Variants in RPL19 observed in about 807,000 individuals in gnomAD.
The protein encoded by RPL19 is ribosomal protein L19.
A neutral mutation model predicts 25.1 loss-of-function variants in RPL19; 2 were observed. The observed-to-expected ratio is 0.08, with a 90% confidence interval of 0.03 to 0.25. The LOEUF (loss-of-function observed/expected upper bound fraction) is 0.25, where lower values mean the gene tolerates loss of function less well. RPL19 is among the 10% of genes least tolerant of loss of function. The pLI is 1.00. For missense variants in RPL19, 123 were observed against 271.8 expected, an observed-to-expected ratio of 0.45 and a Z score of 3.85; for synonymous variants, 89 against 91.2, an observed-to-expected ratio of 0.98 and a Z score of 0.14.
chr17:39,202,017 C>T (rs1825241758), intron 2 of RPL19, among the ~76,000 whole-genome samples: 1 of 152,138 alleles, frequency 6.6e-6, no homozygotes, highest in Non-Finnish European at 1.5e-5. Flanking sequence ...CATCTTTAAT[C>T]CCAGCTACTT....
rs545013498 is a variant in RPL19, at chr17:39,201,070, T to C, written c.6-143T>C. 1.3e-4 allele frequency: 83 copies of C among 644,010 alleles called. No homozygotes were observed. In the African/African-American group the frequency reaches 1.5e-3, roughly 12 times the overall value. The allele number at this position is 644,010 out of a possible 1,614,324, so 39.9% of individuals were successfully genotyped here. On this transcript the variant is annotated intron_variant, in intron 1 of 5. Coordinates refer to ENST00000225430, the MANE Select transcript of RPL19 (RefSeq NM_000981.4). ...CTTAAACCCAAGGGGGCCAGCTGCATAGCCCAGAGCCTTAAAGATGATTTA... is the reference window on the plus strand; with the variant it reads ...CTTAAACCCAAGGGGGCCAGCTGCACAGCCCAGAGCCTTAAAGATGATTTA...
chr17:39,200,530 G>C (rs555591859), intron 1 of RPL19, 181 bp downstream of exon 1: 2 of 1,303,124 alleles, frequency 1.5e-6, no homozygotes, highest in South Asian at 4.3e-5. Flanking sequence ...GGGGCGGGGA[G>C]CGTCGCAGCA....
chr17:39,201,595 C>CA (rs991450339), intron 2 of RPL19, among the ~76,000 whole-genome samples: 7 of 151,504 alleles, frequency 4.6e-5, no homozygotes, highest in African/African-American at 1.7e-4. Flanking sequence ...TTTTTTGGGA[C>CA]AGAGTCTCAC....
chr17:39,202,332 A>G lies in RPL19; in HGVS notation c.128A>G (p.Lys43Arg). The G allele has an allele frequency of 6.2e-7, 1 of 1,613,964 alleles. No homozygotes were observed. Among genetic ancestry groups the G allele is most frequent in the Non-Finnish European group, 8.5e-7 (1 of 1,179,968 alleles). ...GCTTTCCCAGGTCAGCAGATCCGGA[A>G]GCTCATCAAAGATGGGCTGATCATC... ...ANANSRQQIRKLIKDGLIIRK... is the reference protein window; with the variant it reads ...ANANSRQQIRRLIKDGLIIRK... The change falls in exon 3 of 6, where the codon AAG becomes AGG. Residue 43 changes from lysine to arginine, a missense_variant. Lys to Arg is a conservative substitution (Grantham distance 26). Transcript: ENST00000225430.
chr17:39,200,854 A>C, intron 1 of RPL19: 10 of 758,582 alleles, frequency 1.3e-5, no homozygotes, highest in Non-Finnish European at 1.7e-5. Flanking sequence ...ATAAGCCCAG[A>C]AAACAGAGTA....
chr17:39,200,386 T>C, intron 1 of RPL19, 37 bp downstream of exon 1: 1 of 1,543,782 alleles, frequency 6.5e-7, no homozygotes, highest in Non-Finnish European at 8.7e-7. Flanking sequence ...CGCTGACGCG[T>C]GTCGACAAGG....
At position 39,204,178 on chromosome 17, in the gene RPL19, A is replaced by C. The variant is rs766819472; in HGVS notation, c.458A>C (p.Lys153Thr). 7.5e-6 allele frequency: 12 copies of C among 1,603,262 alleles called. No homozygotes were observed. Among genetic ancestry groups the C allele is most frequent in the African/African-American group, 1.3e-5 (1 of 74,694 alleles). Residue 153 changes from lysine (K) to threonine (T), a missense_variant, in exon 5 of 6, where the codon AAG (lysine) becomes ACG (threonine). Physicochemically the swap from Lys to Thr is moderately conservative, Grantham distance 78. Coordinates refer to ENST00000225430, the MANE Select transcript of RPL19 (RefSeq NM_000981.4). ...HKLKADKARK[K>T]LLADQAEARR... ...CTGAAGGCAGACAAGGCCCGCAAGA[A>C]GCTCCTGGCGTAAGTTTCTTTTCAG...
At chr17:39,202,968 C>T in intron 3 of RPL19, 21 bp from the exon 4 acceptor site, 1 of 1,613,720 alleles carries the variant, frequency 6.2e-7, no homozygotes, top group Non-Finnish European at 8.5e-7. Context: ...GTGGCCCGTT[C>T]CTAACTCATC....
At chr17:39,200,436 T>G in intron 1 of RPL19, 87 bp downstream of exon 1, 4 of 1,355,792 alleles carry the variant, frequency 3.0e-6, no homozygotes, top group South Asian at 1.7e-5. Flanking sequence ...TTGGGGGAGA[T>G]GAAATGGAGG....
Position 39,204,508 on chromosome 17 carries a change from T to C in RPL19, c.468-17T>C. The C allele has an allele frequency of 6.2e-7, 1 of 1,613,750 alleles. No homozygotes were observed. Among genetic ancestry groups the C allele is most frequent in the Non-Finnish European group, 8.5e-7 (1 of 1,179,776 alleles). ...ATCTCTTCCCAAACTGACCCGTCTT[T>C]TCTCTTCCCTGACCAGTGACCAGGC... On this transcript the variant is annotated splice_polypyrimidine_tract_variant and intron_variant, in intron 5 of 5. Transcript: ENST00000225430.
At chr17:39,201,091 A>C in intron 1 of RPL19, 122 bp from the exon 2 acceptor site, 1 of 721,928 alleles carries the variant, frequency 1.4e-6, no homozygotes. Context: ...CTTAAAGATG[A>C]TTTAGGGAAG....
chr17:39,203,260 CA>C (rs1403099158), intron 4 of RPL19, 151 bp downstream of exon 4: 1 of 753,692 alleles, frequency 1.3e-6, no homozygotes, highest in Non-Finnish European at 2.1e-6. Context: ...CAGCTCACTA[CA>C]ACCTCTACCT....
intron 1 of RPL19, 150 bp downstream of exon 1, chr17:39,200,499 C>G: frequency 7.7e-7 from 1 of 1,303,452 alleles, no homozygotes; most frequent in Non-Finnish European, 9.8e-7. Context: ...GCACTTTCGT[C>G]CCGGGCCTCC....
chr17:39,202,050 A>G (rs1465516268), intron 2 of RPL19, among the ~76,000 whole-genome samples: 1 of 152,224 alleles, frequency 6.6e-6, no homozygotes, highest in Non-Finnish European at 1.5e-5. Context: ...CAGGAGGATC[A>G]TGAGCCCAGA....
chr17:39,204,572 G>T lies in RPL19; in HGVS notation c.515G>T (p.Arg172Leu). The T allele has an allele frequency of 6.2e-7, 1 of 1,614,150 alleles. No individual in the cohort carries two copies. ...RRSKTKEARK[R>L]REERLQAKKE... ...TCTAAGACCAAGGAAGCACGCAAGC[G>T]CCGTGAAGAGCGCCTCCAGGCCAAG... Residue 172 changes from arginine (R) to leucine (L), a missense_variant, in exon 6 of 6, where the codon CGC becomes CTC. Arg to Leu is a moderately radical substitution (Grantham distance 102). Coordinates refer to ENST00000225430, the MANE Select transcript of RPL19 (RefSeq NM_000981.4).
chr17:39,203,414 C>T (rs577213952), intron 4 of RPL19, among the ~76,000 whole-genome samples: 3 of 151,920 alleles, frequency 2.0e-5, no homozygotes, highest in Middle Eastern at 3.4e-3. Flanking sequence ...ATCTCCTGGC[C>T]TTGTGATCCG....
intron 5 of RPL19, 103 bp from the exon 6 acceptor site, chr17:39,204,422 A>G (rs2046310580): frequency 4.9e-6 from 7 of 1,435,168 alleles, no homozygotes; most frequent in Non-Finnish European, 6.7e-6. Context: ...AACTCATTCC[A>G]GAAGCTGACT....
intron 1 of RPL19, chr17:39,200,629 A>G (rs1756907939): frequency 8.3e-7 from 1 of 1,200,040 alleles, no homozygotes; most frequent in Non-Finnish European, 1.0e-6. Context: ...GGAGCGAACA[A>G]GACCAAGCCG....
chr17:39,202,904 C>T (rs2046300685), intron 3 of RPL19, 85 bp from the exon 4 acceptor site: 1 of 1,483,564 alleles, frequency 6.7e-7, no homozygotes, highest in African/African-American at 1.4e-5. Flanking sequence ...GAGTTAAGGA[C>T]CCTGACTTGA....
Sources: allele counts gnomAD v4.1 joint callset (sites outside exome capture counted in the v4.1 genomes callset), GRCh38; gene constraint gnomAD v4.1.1; transcripts MANE v1.5; gene names NCBI Gene and HGNC (gene_info 2026-07-23, HGNC 2026-07-21).